The following ICA1L variants were observed in gnomAD, a reference collection of about 807,000 sequenced individuals.
ICA1L encodes the protein islet cell autoantigen 1-like protein.
A neutral mutation model predicts 61.3 loss-of-function variants in ICA1L; 50 were observed. That is an observed-to-expected ratio of 0.82 (90% CI 0.65 to 1.03). The LOEUF is 1.03. Among genes scored for constraint, ICA1L ranks in the 50% least tolerant of loss-of-function variants. The pLI, the probability that ICA1L is intolerant of heterozygous loss-of-function variation, is 0.00. For missense variants in ICA1L, 508 were observed against 556.7 expected (o/e 0.91, Z 0.88); for synonymous variants, 161 against 191.3 (o/e 0.84, Z 1.31).
At chr2:202,832,187 A>G (rs1250848599) in intron 1 of ICA1L, among the ~76,000 whole-genome samples, 1 of 152,194 alleles carries the variant, frequency 6.6e-6, no homozygotes. Flanking sequence ...CAGAGAAGCA[A>G]AACAGAATCC....
chr2:202,803,547 A>G (rs1693147589), intron 9 of ICA1L, among the ~76,000 whole-genome samples: 1 of 152,066 alleles, frequency 6.6e-6, no homozygotes, highest in Non-Finnish European at 1.5e-5. Flanking sequence ...AATCATTATT[A>G]TTATTGAGAC....
At chr2:202,865,798 A>AT (rs1338806020) in intron 1 of ICA1L, among the ~76,000 whole-genome samples, 3 of 151,858 alleles carry the variant, frequency 2.0e-5, no homozygotes, top group South Asian at 2.1e-4. Flanking sequence ...GTGAAATTTT[A>AT]TTTTTTTTGG....
At chr2:202,841,492 G>A (rs920603868) in intron 1 of ICA1L, 3 of 776,536 alleles carry the variant, frequency 3.9e-6, no homozygotes, top group Non-Finnish European at 6.9e-6. Context: ...GTTGTTGAGG[G>A]TCCTTCTCCT....
At chr2:202,838,673 T>C (rs1694220122) in intron 1 of ICA1L, among the ~76,000 whole-genome samples, 1 of 152,236 alleles carries the variant, frequency 6.6e-6, no homozygotes, top group Non-Finnish European at 1.5e-5. Context: ...ATATAATAAT[T>C]GTCTCATTTT....
chr2:202,852,259 T>C (rs1694646670), intron 1 of ICA1L, among the ~76,000 whole-genome samples: 1 of 152,190 alleles, frequency 6.6e-6, no homozygotes, highest in African/African-American at 2.4e-5. Context: ...TTTGGGTATA[T>C]ACCCTGTAAT....
intron 1 of ICA1L, among the ~76,000 whole-genome samples, chr2:202,847,051 A>T (rs1360972435): frequency 5.3e-5 from 8 of 152,332 alleles, no homozygotes; most frequent in South Asian, 4.1e-4. Flanking sequence ...AGCAGGAGGC[A>T]AGGAAATACT....
At chr2:202,809,246 T>C (rs1306238100) in intron 9 of ICA1L, among the ~76,000 whole-genome samples, 2 of 151,704 alleles carry the variant, frequency 1.3e-5, no homozygotes, top group African/African-American at 2.4e-5. Flanking sequence ...AAAAATTCAA[T>C]TGATATAGTG....
At chr2:202,817,580 A>T (rs748947963) in intron 5 of ICA1L, 37 bp from the exon 6 acceptor site, 2 of 1,284,762 alleles carry the variant, frequency 1.6e-6, no homozygotes, top group Non-Finnish European at 2.2e-6. Context: ...ACAGATATAT[A>T]CTATAAATAT....
At chr2:202,816,173 G>A (rs1693528098) in intron 6 of ICA1L, among the ~76,000 whole-genome samples, 164 bp from the exon 7 acceptor site, 1 of 152,186 alleles carries the variant, frequency 6.6e-6, no homozygotes, top group South Asian at 2.1e-4. Flanking sequence ...ACTGCAAATA[G>A]TACTTGTGCA....
At chr2:202,835,215 C>CTTTTTT (rs544503963) in intron 1 of ICA1L, among the ~76,000 whole-genome samples, 5 of 120,642 alleles carry the variant, frequency 4.1e-5, no homozygotes, top group African/African-American at 1.3e-4. Flanking sequence ...TGATTTCTTC[C>CTTTTTT]TTTTTTTTTT....
At chr2:202,811,725 G>A (rs2105843526) in intron 9 of ICA1L, 21 bp downstream of exon 9, 3 of 1,359,182 alleles carry the variant, frequency 2.2e-6, no homozygotes, top group East Asian at 2.4e-5. Flanking sequence ...CCATTTCAAA[G>A]TAATAAATTT....
At chr2:202,820,478 G>C (rs1693670158) in intron 4 of ICA1L, among the ~76,000 whole-genome samples, 2 of 152,120 alleles carry the variant, frequency 1.3e-5, no homozygotes, top group African/African-American at 4.8e-5. Context: ...AACCTGCCAA[G>C]TAAATCTGCC....
intron 2 of ICA1L, 49 bp from the exon 3 acceptor site, chr2:202,825,816 ATATGT>A (rs768631540): frequency 1.5e-5 from 17 of 1,150,112 alleles, no homozygotes; most frequent in Non-Finnish European, 2.1e-5. Context: ...ATAAACAAAT[ATATGT>A]TATAAGCACC....
intron 1 of ICA1L, among the ~76,000 whole-genome samples, chr2:202,853,292 G>A (rs1283134104): frequency 1.3e-5 from 2 of 151,224 alleles, no homozygotes; most frequent in Non-Finnish European, 2.9e-5. Context: ...AGGAGGCGGA[G>A]CTTGCAGTGA....
chr2:202,870,355 C>A (rs1234208311), intron 1 of ICA1L, among the ~76,000 whole-genome samples: 1 of 152,124 alleles, frequency 6.6e-6, no homozygotes, highest in Non-Finnish European at 1.5e-5. Flanking sequence ...CCTTCTAACT[C>A]TAAAATTAAA....
intron 1 of ICA1L, among the ~76,000 whole-genome samples, chr2:202,837,159 A>G (rs1384383881): frequency 6.6e-6 from 1 of 150,830 alleles, no homozygotes; most frequent in Non-Finnish European, 1.5e-5. Context: ...CATTTTTTAT[A>G]GTAGTCTATG....
Position 202,774,015 on chromosome 2 carries a change from A to G in ICA1L, c.*5518T>C, listed in dbSNP as rs186595866. 2.3e-6 allele frequency: 2 copies of G among 887,698 alleles called. No homozygotes were observed. The highest frequency in any genetic ancestry group is 3.5e-6 in the Non-Finnish European group (2 of 575,596). The allele number at this position is 887,698 out of a possible 1,614,324, so 55.0% of individuals were successfully genotyped here. A position where few individuals can be genotyped will look rare whatever the true frequency, so the allele number is the denominator to read the frequency against. Reference sequence around the variant, plus strand: ...GAAGAGTTGGCTGTTTTATTTTTTTAAATTATGAACTAGCGCTGCTCCACT... The same window carrying G: ...GAAGAGTTGGCTGTTTTATTTTTTTGAATTATGAACTAGCGCTGCTCCACT... On this transcript the variant is annotated 3_prime_UTR_variant, in exon 13 of 13. Transcript: ENST00000358299.
chr2:202,800,583 C>CA (rs1242215026), intron 9 of ICA1L, among the ~76,000 whole-genome samples: 2 of 151,894 alleles, frequency 1.3e-5, no homozygotes, highest in East Asian at 1.9e-4. Context: ...CACATAGAGA[C>CA]AAAAAAAGTA....
intron 1 of ICA1L, chr2:202,840,842 A>G: frequency 1.6e-6 from 1 of 625,010 alleles, no homozygotes; most frequent in Non-Finnish European, 3.0e-6. Flanking sequence ...GAGCTGGCTG[A>G]CGTTCTGGTT....
Sources: gnomAD v4.1 joint callset for allele counts (sites outside exome capture counted in the v4.1 genomes callset) on GRCh38, gnomAD v4.1.1 for gene constraint, MANE v1.5 for transcripts, NCBI Gene and HGNC (gene_info 2026-07-23, HGNC 2026-07-21) for gene names.